Variants in ANKRD26 observed in about 807,000 individuals in gnomAD.
ANKRD26 encodes the protein ankyrin repeat domain 26, also known as ankyrin repeat domain-containing protein 26.
Under a neutral mutation model 208.7 loss-of-function variants are expected in ANKRD26, and 141 were observed. The ratio of observed to expected loss-of-function variants is 0.68; its 90% confidence interval spans 0.59 to 0.78. The LOEUF (loss-of-function observed/expected upper bound fraction) is 0.78, where lower values mean the gene tolerates loss of function less well. Among genes scored for constraint, ANKRD26 ranks in the 30% least tolerant of loss-of-function variants. ANKRD26 has a pLI of 0.00. For synonymous variants in ANKRD26, 636 were observed against 660.4 expected, an observed-to-expected ratio of 0.96 and a Z score of 0.57; for missense variants, 1,889 against 1,938.7, an observed-to-expected ratio of 0.97 and a Z score of 0.48.
chr10:27,007,375 G>A (rs2052925401), intron 32 of ANKRD26, among the ~76,000 whole-genome samples: 1 of 151,924 alleles, frequency 6.6e-6, no homozygotes, highest in African/African-American at 2.4e-5. Context: ...ACTTTCTGGT[G>A]GGGCACAGTG....
Position 27,005,000 on chromosome 10 carries a change from G to A in ANKRD26, c.*590C>T. 1.0e-6 allele frequency: 1 copy of A among 974,988 alleles called. No homozygotes were observed. Among genetic ancestry groups the A allele is most frequent in the Non-Finnish European group, 1.2e-6 (1 of 820,370 alleles). 60.4% of individuals were successfully genotyped at this position (974,988 alleles called of 1,614,324 possible). A position where few individuals can be genotyped will look rare whatever the true frequency, so the allele number is the denominator to read the frequency against. On this transcript the variant is annotated 3_prime_UTR_variant, in exon 34 of 34. Transcript: ENST00000376087. ...CAATTTACTCTCAAATTGTTCGGAG[G>A]AGAAAGTCTTTGTACTAAAACTTCG...
At chr10:26,958,586 A>G in the ANKRD26 span, among the ~76,000 whole-genome samples, 117 of 152,052 alleles carry the variant, frequency 7.7e-4, no homozygotes, top group African/African-American at 2.8e-3. Flanking sequence ...TTCCTGTGTT[A>G]GTTTGCTGAA....
chr10:26,977,949 A>C (rs527581147), intron 5 of ANKRD26, among the ~76,000 whole-genome samples: 105 of 152,232 alleles, frequency 6.9e-4, no homozygotes, highest in African/African-American at 2.4e-3. Flanking sequence ...ACAACAACAA[A>C]AAAAACAGGC....
chr10:27,041,666 T>G (rs987000116), intron 20 of ANKRD26, among the ~76,000 whole-genome samples: 1 of 151,724 alleles, frequency 6.6e-6, no homozygotes, highest in Non-Finnish European at 1.5e-5. Context: ...CTAAATTAGA[T>G]GAAAATAAAC....
intron 25 of ANKRD26, among the ~76,000 whole-genome samples, chr10:27,030,797 T>C (rs1343386733): frequency 6.6e-6 from 1 of 152,168 alleles, no homozygotes; most frequent in Non-Finnish European, 1.5e-5. Flanking sequence ...AAAGCTTTAT[T>C]ATATCAATGT....
chr10:27,046,482 T>A lies in ANKRD26; in HGVS notation c.1856A>T (p.Glu619Val). 1 of 1,614,108 alleles carries A rather than the reference T, an allele frequency of 6.2e-7. No homozygotes were observed. Among genetic ancestry groups the A allele is most frequent in the Non-Finnish European group, 8.5e-7 (1 of 1,180,014 alleles). ...ALQMKEVKST[E>V]KEKRTSKESV... Reference sequence around the variant, plus strand: ...TTCTTTCGAGGTCCGTTTTTCTTTTTCAGTGCTCTTTACTTCCTTCATTTG... The same window carrying A: ...TTCTTTCGAGGTCCGTTTTTCTTTTACAGTGCTCTTTACTTCCTTCATTTG... The change falls in exon 18 of 34, where the codon GAA (glutamate) becomes GTA (valine). Residue 619 changes from glutamate to valine, a missense_variant. By Grantham distance (121) the Glu-to-Val change is moderately radical. Transcript: ENST00000376087.
At position 27,092,397 on chromosome 10, in the gene ANKRD26, C is replaced by G; in HGVS notation, c.638+9G>C. 1 of 1,585,558 alleles carries G rather than the reference C, an allele frequency of 6.3e-7. No homozygotes were observed. Among genetic ancestry groups the G allele is most frequent in the Non-Finnish European group, 8.6e-7 (1 of 1,156,182 alleles). ...GTTTAAAAATCCAAAACAAAACCAGCTACTGTACCTTTCCAACTTATCTAC... is the reference window on the plus strand; with the variant it reads ...GTTTAAAAATCCAAAACAAAACCAGGTACTGTACCTTTCCAACTTATCTAC... On this transcript the variant is annotated intron_variant, in intron 4 of 33. Transcript: ENST00000376087.
intron 12 of ANKRD26, chr10:27,062,369 G>A (rs79028187): frequency 0.033 from 12,074 of 369,584 alleles, 262 homozygotes; most frequent in Non-Finnish European, 0.041. Context: ...TCTCAAAAAG[G>A]AAGTCTATAC....
At chr10:26,990,370 A>G (rs2052464421), downstream of ANKRD26, among the ~76,000 whole-genome samples, 1 of 152,182 alleles carries the variant, frequency 6.6e-6, no homozygotes, top group Non-Finnish European at 1.5e-5. Flanking sequence ...AACCAAGTGT[A>G]GAAAAAAAGG....
downstream of ANKRD26, among the ~76,000 whole-genome samples, chr10:26,988,254 TCTCA>T (rs2134652936): frequency 6.6e-6 from 1 of 152,300 alleles, no homozygotes; most frequent in East Asian, 1.9e-4. Context: ...CTAAAATTTC[TCTCA>T]CTCTACTAGG....
Position 27,006,913 on chromosome 10 carries a change from A to G in ANKRD26, c.4999+4T>C. On this transcript the variant is annotated splice_donor_region_variant and intron_variant, in intron 33 of 33. Transcript: ENST00000376087. ...AATTTAATTCATGAAGTTTGGCAAC[A>G]TACCTTCTTTGAGTTCTCTAGTTAT... The G allele has an allele frequency of 1.2e-6, 2 of 1,607,032 alleles. No individual in the cohort carries two copies. The highest frequency in any genetic ancestry group is 1.7e-6 in the Non-Finnish European group (2 of 1,174,598).
chr10:26,947,629 C>T, the ANKRD26 span, among the ~76,000 whole-genome samples: 1,408 of 152,262 alleles, frequency 9.2e-3, 22 homozygotes, highest in African/African-American at 0.032. Flanking sequence ...GTCGTTGGTG[C>T]CTCAGTTTAT....
chr10:26,990,515 G>A (rs2134664313), downstream of ANKRD26, among the ~76,000 whole-genome samples: 1 of 152,254 alleles, frequency 6.6e-6, no homozygotes, highest in East Asian at 1.9e-4. Flanking sequence ...AGTGTGTCAA[G>A]GGCTTAAGGT....
In ANKRD26 at chr10:27,066,161, G is replaced by A. The variant is rs368639778; in HGVS notation, c.1269+326C>T. 6 of 166,978 alleles carry A rather than the reference G, an allele frequency of 3.6e-5. No homozygotes were observed. In the East Asian group the frequency reaches 5.0e-4, roughly 14 times the overall value. The allele number at this position is 166,978 out of a possible 1,614,324, so 10.3% of individuals were successfully genotyped here. Reference sequence around the variant, plus strand: ...CAGGCATGAGCCACCTTGCCTGGCCGACCTGAAATAATTCTTTAGTTTTTA... The same window carrying A: ...CAGGCATGAGCCACCTTGCCTGGCCAACCTGAAATAATTCTTTAGTTTTTA... On this transcript the variant is annotated intron_variant, in intron 11 of 33. Coordinates refer to ENST00000376087, the MANE Select transcript of ANKRD26 (RefSeq NM_014915.3).
At chr10:26,973,281 T>G (rs1319163595), downstream of ANKRD26, among the ~76,000 whole-genome samples, 1 of 152,170 alleles carries the variant, frequency 6.6e-6, no homozygotes, top group Non-Finnish European at 1.5e-5. Flanking sequence ...TTGAGTCTAT[T>G]TCATTAGGTA....
intron 16 of ANKRD26, among the ~76,000 whole-genome samples, chr10:27,052,691 G>C (rs1450141226): frequency 6.6e-6 from 1 of 152,000 alleles, no homozygotes; most frequent in Non-Finnish European, 1.5e-5. Flanking sequence ...AATATTTACT[G>C]ATTTCCTAGA....
intron 1 of ANKRD26, among the ~76,000 whole-genome samples, chr10:27,099,570 G>T (rs1366199652): frequency 7.1e-6 from 1 of 140,196 alleles, no homozygotes; most frequent in Non-Finnish European, 1.6e-5. Context: ...GTTGGGGGGG[G>T]GGGTCTCGCT....
At chr10:26,970,418 A>G (rs1484062511), downstream of ANKRD26, among the ~76,000 whole-genome samples, 2 of 152,000 alleles carry the variant, frequency 1.3e-5, no homozygotes, top group Non-Finnish European at 2.9e-5. Context: ...CTAGTGAGTG[A>G]CTTCTTGTGA....
chr10:27,093,840 G>C (rs908253092), intron 1 of ANKRD26, 41 bp from the exon 2 acceptor site: 1 of 1,388,974 alleles, frequency 7.2e-7, no homozygotes, highest in Non-Finnish European at 1.0e-6. Context: ...GTAGTGCACT[G>C]TCTCAAAACA....
Sources: gnomAD v4.1 joint callset for allele counts (sites outside exome capture counted in the v4.1 genomes callset) on GRCh38, gnomAD v4.1.1 for gene constraint, MANE v1.5 for transcripts, NCBI Gene and HGNC (gene_info 2026-07-23, HGNC 2026-07-21) for gene names.